Variants in AKAP8L observed in about 807,000 individuals in gnomAD.
AKAP8L encodes the protein A-kinase anchor protein 8-like.
Under a neutral mutation model 77.5 loss-of-function variants are expected in AKAP8L, and 34 were observed. The ratio of observed to expected loss-of-function variants is 0.44; its 90% CI spans 0.33 to 0.58. AKAP8L has a LOEUF of 0.58. AKAP8L is among the 20% of genes least tolerant of loss of function. The pLI is 0.02. For synonymous variants in AKAP8L, 342 were observed against 340.7 expected, an observed-to-expected ratio of 1.00 and a Z score of -0.04; for missense variants, 806 against 887.6, an observed-to-expected ratio of 0.91 and a Z score of 1.17.
rs1967860976 is a variant in AKAP8L, at chr19:15,400,130, G to T, written c.1048+165C>A. 5 of 663,006 alleles carry T rather than the reference G, an allele frequency of 7.5e-6. No homozygotes were observed. In the South Asian group the frequency reaches 9.0e-5, roughly 12 times the overall value. The allele number at this position is 663,006 out of a possible 1,614,324, so 41.1% of individuals were successfully genotyped here. A position where few individuals can be genotyped will look rare whatever the true frequency, so the allele number is the denominator to read the frequency against. ...GAAGGAGGAGGAAGAGTGGGAAGGGGGTGGAGGCGGCGAAAAGAAAGCCCC... is the reference window on the plus strand; with the variant it reads ...GAAGGAGGAGGAAGAGTGGGAAGGGTGTGGAGGCGGCGAAAAGAAAGCCCC... On this transcript the variant is annotated intron_variant, in intron 8 of 13. Transcript: ENST00000397410.
rs1967797151 is a variant in AKAP8L, at chr19:15,397,345, A to G, written c.1406-65T>C. The G allele has an allele frequency of 5.7e-6, 9 of 1,591,588 alleles. No homozygotes were observed. In the East Asian group the frequency reaches 6.8e-5, roughly 12 times the overall value. On this transcript the variant is annotated intron_variant, in intron 11 of 13. Transcript: ENST00000397410. This position sits in a 1 kb window ranked among gnomAD's most constrained non-coding sequence, Gnocchi z 4.7. ...CCTAAGATAGACCCAGGTGTTCGAGAAAAAAACCACACCAGCTCCTCCTCA... is the reference window on the plus strand; with the variant it reads ...CCTAAGATAGACCCAGGTGTTCGAGGAAAAAACCACACCAGCTCCTCCTCA...
rs767183355 is a variant in AKAP8L, at chr19:15,418,970, G to C, written c.-47C>G. On this transcript the variant is annotated 5_prime_UTR_variant, in exon 1 of 14. Transcript: ENST00000397410. ...CGACGACGCCGGCTTCTGCTGCTCTGAACATCCGACGCTGCGATAGCTGCT... is the reference window on the plus strand; with the variant it reads ...CGACGACGCCGGCTTCTGCTGCTCTCAACATCCGACGCTGCGATAGCTGCT... The C allele has an allele frequency of 9.4e-6, 15 of 1,603,212 alleles. No homozygotes were observed. The highest frequency in any genetic ancestry group is 1.7e-5 in the Admixed American group (1 of 59,934).
At chr19:15,387,658 C>T (rs193180823) in intron 12 of AKAP8L, among the ~76,000 whole-genome samples, 60 of 152,058 alleles carry the variant, frequency 3.9e-4, no homozygotes, top group African/African-American at 1.1e-3. Context: ...CAAACAACCA[C>T]CTCAAAAACC....
At chr19:15,406,788 A>G (rs1172134622) in intron 2 of AKAP8L, among the ~76,000 whole-genome samples, 2 of 152,224 alleles carry the variant, frequency 1.3e-5, no homozygotes, top group East Asian at 3.8e-4. Flanking sequence ...TTTTAAAAGA[A>G]AAAAGGACAT....
At position 15,399,784 on chromosome 19, in the gene AKAP8L, C is replaced by A; in HGVS notation, c.1049-374G>T. On this transcript the variant is annotated intron_variant, in intron 8 of 13. Transcript: ENST00000397410. This position sits in a 1 kb window ranked among gnomAD's most constrained non-coding sequence, Gnocchi z 6.1. Reference sequence around the variant, plus strand: ...TCACATGGCCCTGCCCACCCCCAACCGGGCACCGCGGCAACAGTGGGCTGA... The same window carrying A: ...TCACATGGCCCTGCCCACCCCCAACAGGGCACCGCGGCAACAGTGGGCTGA... The A allele has an allele frequency of 3.0e-6, 1 of 332,944 alleles. No homozygotes were observed. The allele number at this position is 332,944 out of a possible 1,614,324, so 20.6% of individuals were successfully genotyped here.
chr19:15,415,317 A>G (rs1968183462), intron 1 of AKAP8L, among the ~76,000 whole-genome samples: 1 of 152,004 alleles, frequency 6.6e-6, no homozygotes, highest in Admixed American at 6.6e-5. Context: ...AGTCACAGCT[A>G]CTTGGGAGGC....
chr19:15,409,398 A>T (rs1367020205), intron 2 of AKAP8L, among the ~76,000 whole-genome samples: 5 of 152,240 alleles, frequency 3.3e-5, no homozygotes, highest in African/African-American at 4.8e-5. Flanking sequence ...CATTTATGAG[A>T]CACCTGATAC....
intron 1 of AKAP8L, among the ~76,000 whole-genome samples, chr19:15,413,219 C>G (rs1432493277): frequency 6.6e-6 from 1 of 152,218 alleles, no homozygotes; most frequent in African/African-American, 2.4e-5. Flanking sequence ...GGTCTGAACA[C>G]CAAGTGTTTT....
At chr19:15,391,904 T>C (rs915908842) in intron 12 of AKAP8L, among the ~76,000 whole-genome samples, 2 of 150,248 alleles carry the variant, frequency 1.3e-5, no homozygotes, top group Admixed American at 6.6e-5. Context: ...GGTAGGATCA[T>C]AGCTCACTGC....
At chr19:15,389,705 A>G (rs1967620059) in intron 12 of AKAP8L, among the ~76,000 whole-genome samples, 1 of 152,214 alleles carries the variant, frequency 6.6e-6, no homozygotes, top group East Asian at 1.9e-4. Flanking sequence ...TGGGAGGCGG[A>G]GGTTGCAGTG....
intron 12 of AKAP8L, among the ~76,000 whole-genome samples, chr19:15,381,629 T>C (rs1003984265): frequency 3.9e-5 from 6 of 152,204 alleles, no homozygotes; most frequent in African/African-American, 1.4e-4. Flanking sequence ...ATTTTTTTTT[T>C]TCCTTAGCAC....
rs1273481307 is a variant in AKAP8L, at chr19:15,401,856, G to T, written c.363-253C>A. Among the ~76,000 whole-genome samples, 2 of 152,198 alleles carry T rather than the reference G, an allele frequency of 1.3e-5. No individual in the cohort carries two copies. Among genetic ancestry groups the T allele is most frequent in the Non-Finnish European group, 2.9e-5 (2 of 68,032 alleles). On this transcript the variant is annotated intron_variant, in intron 4 of 13. Transcript: ENST00000397410. The surrounding 1 kb of genome is among the most constrained non-coding windows in gnomAD (Gnocchi z 6.2). ...GACTGAAGGACTGATAACTGGGGTG[G>T]AGGCTCTAGTCCAGTGAGTCTCAAC...
chr19:15,400,482 A>ACCC, intron 7 of AKAP8L, 124 bp from the exon 8 acceptor site: 1 of 1,011,526 alleles, frequency 9.9e-7, no homozygotes, highest in Non-Finnish European at 1.5e-6. Context: ...GAGCAGGGCT[A>ACCC]TCCTATAGGC....
At chr19:15,383,684 G>A (rs1599586033) in intron 12 of AKAP8L, 1 of 152,054 alleles carries the variant, frequency 6.6e-6, no homozygotes, top group Admixed American at 6.5e-5. Flanking sequence ...TTTTTTAATT[G>A]CAGCAGCTTT....
Position 15,403,186 on chromosome 19 carries a change from T to A in AKAP8L, c.362+289A>T. On this transcript the variant is annotated intron_variant, in intron 4 of 13. Coordinates refer to ENST00000397410, the MANE Select transcript of AKAP8L (RefSeq NM_014371.4). This position sits in a 1 kb window ranked among gnomAD's most constrained non-coding sequence, Gnocchi z 4.3. The stretch of plus-strand genomic sequence containing the variant: ...GGCTGTCCTTGGAGGGAGGGGTGGC[T>A]GAACACTCTGTTTTTGAGGGCACAG... The A allele has an allele frequency of 2.2e-6, 1 of 458,280 alleles. No individual in the cohort carries two copies. Among genetic ancestry groups the A allele is most frequent in the Admixed American group, 3.5e-5 (1 of 28,894 alleles). 28.4% of individuals were successfully genotyped at this position (458,280 alleles called of 1,614,324 possible).
At chr19:15,417,261 G>C (rs1968223164) in intron 1 of AKAP8L, among the ~76,000 whole-genome samples, 1 of 152,118 alleles carries the variant, frequency 6.6e-6, no homozygotes, top group South Asian at 2.1e-4. Flanking sequence ...CCATGAAACT[G>C]TCTTCCAGTT....
chr19:15,396,735 G>A (rs1967785178), intron 12 of AKAP8L, among the ~76,000 whole-genome samples: 1 of 152,088 alleles, frequency 6.6e-6, no homozygotes, highest in Non-Finnish European at 1.5e-5. Flanking sequence ...GAAGTCTCTA[G>A]TTCAACACCA....
At chr19:15,381,755 A>C (rs1230699493) in intron 12 of AKAP8L, 1 of 152,178 alleles carries the variant, frequency 6.6e-6, no homozygotes, top group Non-Finnish European at 1.5e-5. Context: ...CTCACTTGCC[A>C]ACAGTTTATC....
rs1413064804 is a variant in AKAP8L at position 15,380,204 on chromosome 19, C to G, written c.1859G>C (p.Gly620Ala). The G allele has an allele frequency of 1.3e-6, 2 of 1,508,240 alleles. No individual in the cohort carries two copies. The highest frequency in any genetic ancestry group is 4.2e-5 in the Admixed American group (2 of 47,844). 93.4% of individuals were successfully genotyped at this position (1,508,240 alleles called of 1,614,324 possible). A position where few individuals can be genotyped will look rare whatever the true frequency, so the allele number is the denominator to read the frequency against. ...EEEEGAVPLLGGALQRQIRGI... is the reference protein window; with the variant it reads ...EEEEGAVPLLAGALQRQIRGI... ...GCGGATCTGGCGTTGCAGCGCCCCTCCCAGCAAGGGCACGGCGCCCTCCTC... is the reference window on the plus strand; with the variant it reads ...GCGGATCTGGCGTTGCAGCGCCCCTGCCAGCAAGGGCACGGCGCCCTCCTC... Residue 620 changes from glycine to alanine, a missense_variant, in exon 14 of 14, where the codon GGA becomes GCA. Gly to Ala is a moderately conservative substitution (Grantham distance 60). This residue lies in a region of AKAP8L where 226 missense variants were observed against 193.5 expected (regional missense o/e 1.17). Coordinates refer to ENST00000397410, the MANE Select transcript of AKAP8L (RefSeq NM_014371.4).
Sources: gnomAD v4.1 joint callset for allele counts (sites outside exome capture counted in the v4.1 genomes callset) on GRCh38, gnomAD v4.1.1 for gene constraint, gnomAD v4.1.1 regional missense constraint, Gnocchi (gnomAD v3.1) non-coding constraint, MANE v1.5 for transcripts, NCBI Gene and HGNC (gene_info 2026-07-23, HGNC 2026-07-21) for gene names.